The following PLEKHA8 variants were observed in gnomAD, a reference collection of about 807,000 sequenced individuals.
PLEKHA8 encodes the protein pleckstrin homology domain-containing family A member 8.
Under a neutral mutation model 68.2 loss-of-function variants are expected in PLEKHA8, and 36 were observed. The ratio of observed to expected loss-of-function variants is 0.53; its 90% CI spans 0.40 to 0.70. The LOEUF (loss-of-function observed/expected upper bound fraction) is 0.70. PLEKHA8 is among the 30% of genes least tolerant of loss of function. The pLI, the probability that PLEKHA8 is intolerant of heterozygous loss-of-function variation, is 0.00. For synonymous variants in PLEKHA8, 211 were observed against 216.1 expected (o/e 0.98, Z 0.20); for missense variants, 505 against 615.4 (o/e 0.82, Z 1.90).
chr7:30,061,839 G>A (rs908590948), intron 10 of PLEKHA8, 58 bp from the exon 11 acceptor site: 2 of 1,601,132 alleles, frequency 1.2e-6, no homozygotes, highest in African/African-American at 1.3e-5. Flanking sequence ...AGACTATACT[G>A]AGTTGCTTGA....
At chr7:30,085,001 A>G (rs1216053854), downstream of PLEKHA8, among the ~76,000 whole-genome samples, 4 of 150,764 alleles carry the variant, frequency 2.7e-5, no homozygotes, top group East Asian at 5.8e-4. Context: ...CTGGAGTGCA[A>G]TGGCACAATC....
chr7:30,045,577 A>G (rs142321311), intron 2 of PLEKHA8, among the ~76,000 whole-genome samples: 1 of 152,250 alleles, frequency 6.6e-6, no homozygotes, highest in Non-Finnish European at 1.5e-5. Flanking sequence ...CCAAAACAAA[A>G]CAAGCAAAAA....
intron 13 of PLEKHA8, among the ~76,000 whole-genome samples, chr7:30,120,259 TAAC>T (rs1195462562): frequency 6.8e-6 from 1 of 148,060 alleles, no homozygotes; most frequent in Non-Finnish European, 1.5e-5. Flanking sequence ...ACTGAGTAAA[TAAC>T]AATTTGAGAA....
At chr7:30,057,030 T>G (rs1180586555) in intron 9 of PLEKHA8, among the ~76,000 whole-genome samples, 1 of 151,478 alleles carries the variant, frequency 6.6e-6, no homozygotes, top group Non-Finnish European at 1.5e-5. Flanking sequence ...GTGTTGAAAT[T>G]TGCTTTATGA....
At chr7:30,089,726 A>G (rs11982289) in intron 12 of PLEKHA8, among the ~76,000 whole-genome samples, 21,699 of 152,156 alleles carry the variant, frequency 0.14, 1,574 homozygotes, top group Middle Eastern at 0.19. Flanking sequence ...AGTCCAAGAA[A>G]CAAAAGTTCC....
At chr7:30,095,338 T>A (rs1188805117), downstream of PLEKHA8, among the ~76,000 whole-genome samples, 1 of 152,274 alleles carries the variant, frequency 6.6e-6, no homozygotes, top group Non-Finnish European at 1.5e-5. Flanking sequence ...GGGAAGTGTC[T>A]GTTCATATCC....
intron 13 of PLEKHA8, among the ~76,000 whole-genome samples, chr7:30,128,189 C>G (rs936132290): frequency 3.3e-5 from 5 of 151,460 alleles, no homozygotes; most frequent in Non-Finnish European, 5.9e-5. Context: ...TCACTGCAGA[C>G]TCAACCTCCT....
intron 13 of PLEKHA8, among the ~76,000 whole-genome samples, chr7:30,129,054 G>A (rs1437337393): frequency 6.6e-6 from 1 of 152,188 alleles, no homozygotes; most frequent in East Asian, 1.9e-4. Flanking sequence ...TCAACACGAG[G>A]CTTGGAGGGT....
At position 30,032,687 on chromosome 7, in the gene PLEKHA8, T is replaced by C. The variant is rs149901628; in HGVS notation, c.40+3885T>C. Reference sequence around the variant, plus strand: ...GTATGTTTGACCTAGAATAGCAGACTATTTCGGGGGTGGGAAGTGGGGAGG... The same window carrying C: ...GTATGTTTGACCTAGAATAGCAGACCATTTCGGGGGTGGGAAGTGGGGAGG... On this transcript the variant is annotated intron_variant, in intron 1 of 13. Transcript: ENST00000449726. Among the ~76,000 whole-genome samples the C allele has an allele frequency of 4.1e-4, 62 of 152,340 alleles. 1 individual carries two copies. The highest frequency in any genetic ancestry group is 1.3e-3 in the African/African-American group (56 of 41,586).
Position 30,123,981 on chromosome 7 carries a change from A to G in PLEKHA8, c.1363-5285A>G, listed in dbSNP as rs370398746. 2.1e-4 allele frequency among the ~76,000 whole-genome samples: 32 copies of G among 152,340 alleles called. No individual in the cohort carries two copies. The East Asian group carries it at 6.0e-3, about 28-fold the overall frequency. On this transcript the variant is annotated intron_variant, in intron 13 of 13. Transcript: ENST00000396257. ...TTTATATACTTTTGCTGATTTTTATATGCTACAGAGAGGCTATATCTTTGG... is the reference window on the plus strand; with the variant it reads ...TTTATATACTTTTGCTGATTTTTATGTGCTACAGAGAGGCTATATCTTTGG...
chr7:30,088,445 G>A (rs186153312), downstream of PLEKHA8, among the ~76,000 whole-genome samples: 71 of 152,214 alleles, frequency 4.7e-4, no homozygotes, highest in Admixed American at 2.2e-3. Context: ...ATCAGGCTTA[G>A]GAATGTGGCC....
chr7:30,056,360 C>T (rs1259433253), intron 9 of PLEKHA8, among the ~76,000 whole-genome samples: 7 of 122,224 alleles, frequency 5.7e-5, no homozygotes, highest in African/African-American at 2.2e-4. Context: ...ATATATAACA[C>T]ATATATATAT....
Position 30,082,897 on chromosome 7 carries a change from A to C in PLEKHA8, c.*4110A>C. 2.0e-6 allele frequency: 2 copies of C among 985,386 alleles called. No individual in the cohort carries two copies. The highest frequency in any genetic ancestry group is 2.4e-6 in the Non-Finnish European group (2 of 829,902). 61.0% of individuals were successfully genotyped at this position (985,386 alleles called of 1,614,324 possible). A position where few individuals can be genotyped will look rare whatever the true frequency, so the allele number is the denominator to read the frequency against. On this transcript the variant is annotated 3_prime_UTR_variant, in exon 14 of 14. Coordinates refer to ENST00000449726, the MANE Select transcript of PLEKHA8 (RefSeq NM_001197026.2). ...TGGAGGAAAATTAAGTTTTTTTCCT[A>C]GCAAACTACCATGTCCTACAAGAAC...
chr7:30,123,032 C>G (rs1037287031), intron 13 of PLEKHA8, among the ~76,000 whole-genome samples: 16 of 152,282 alleles, frequency 1.1e-4, no homozygotes, highest in African/African-American at 3.6e-4. Flanking sequence ...TTTCCCCCCC[C>G]TAAGCTAGCT....
Position 30,079,681 on chromosome 7 carries a change from C to A in PLEKHA8, c.*894C>A. 1 of 460,184 alleles carries A rather than the reference C, an allele frequency of 2.2e-6. No homozygotes were observed. The allele number at this position is 460,184 out of a possible 1,614,324, so 28.5% of individuals were successfully genotyped here. On this transcript the variant is annotated 3_prime_UTR_variant, in exon 14 of 14. Transcript: ENST00000449726. ...AGATAATTTCCAAGTGTGACCTGGACTGCCTCTGCATCAAAGTCATATGGA... is the reference window on the plus strand; with the variant it reads ...AGATAATTTCCAAGTGTGACCTGGAATGCCTCTGCATCAAAGTCATATGGA...
At chr7:30,059,749 T>G (rs1202065348) in intron 9 of PLEKHA8, among the ~76,000 whole-genome samples, 1 of 152,168 alleles carries the variant, frequency 6.6e-6, no homozygotes, top group Non-Finnish European at 1.5e-5. Context: ...TTTTAGTCAT[T>G]GTTCTTGCCC....
intron 13 of PLEKHA8, among the ~76,000 whole-genome samples, chr7:30,115,501 T>C (rs1027438939): frequency 6.6e-6 from 1 of 151,516 alleles, no homozygotes; most frequent in South Asian, 2.1e-4. Flanking sequence ...GACATATGTA[T>C]ACATATGTAC....
intron 13 of PLEKHA8, among the ~76,000 whole-genome samples, chr7:30,109,512 C>G (rs186177218): frequency 7.5e-6 from 1 of 132,816 alleles, no homozygotes; most frequent in Non-Finnish European, 1.5e-5. Flanking sequence ...TGCTTGAACC[C>G]GGGAGGTGGA....
downstream of PLEKHA8, chr7:30,084,735 G>T: frequency 7.1e-6 from 5 of 708,330 alleles, no homozygotes; most frequent in South Asian, 6.4e-5. Flanking sequence ...CACATGACTT[G>T]CTGGGCATCA....
Sources: gnomAD v4.1 joint callset for allele counts (sites outside exome capture counted in the v4.1 genomes callset) on GRCh38, gnomAD v4.1.1 for gene constraint, MANE v1.5 for transcripts, NCBI Gene and HGNC (gene_info 2026-07-23, HGNC 2026-07-21) for gene names.